The following STK39 variants were observed in gnomAD, a reference collection of about 807,000 sequenced individuals.
STK39 encodes serine/threonine kinase 39.
In STK39, 20 loss-of-function variants were observed where a neutral mutation model predicts 77.8. The observed-to-expected ratio is 0.26, with a 90% CI of 0.18 to 0.37. The LOEUF is 0.37. Ranked by LOEUF, STK39 falls within the 10% of genes least tolerant of loss-of-function variation. STK39 has a pLI of 1.00. For missense variants in STK39, 479 were observed against 656.5 expected, an observed-to-expected ratio of 0.73 and a Z score of 2.95; for synonymous variants, 246 against 234.1, an observed-to-expected ratio of 1.05 and a Z score of -0.47.
chr2:168,241,360 G>A (rs1347481931), intron 1 of STK39, among the ~76,000 whole-genome samples: 5 of 152,186 alleles, frequency 3.3e-5, no homozygotes, highest in Non-Finnish European at 7.4e-5. Context: ...AGAGGTGGAG[G>A]AAAAGTGCAG....
chr2:168,223,383 G>A (rs192191629), intron 1 of STK39, among the ~76,000 whole-genome samples: 32 of 151,944 alleles, frequency 2.1e-4, no homozygotes, highest in Non-Finnish European at 3.7e-4. Context: ...GTGGTGGCAC[G>A]TGACTGTAAT....
intron 10 of STK39, among the ~76,000 whole-genome samples, chr2:168,101,620 C>T (rs1173793833): frequency 6.6e-6 from 1 of 151,978 alleles, no homozygotes; most frequent in African/African-American, 2.4e-5. Context: ...CACCTATAGT[C>T]CCAGCTACTC....
rs187318954 is a variant in STK39, at chr2:168,065,350, T to G, written c.1274A>C (p.Gln425Pro). Residue 425 changes from glutamine to proline, a missense_variant, in exon 13 of 18, where the codon CAA becomes CCA. Physicochemically the swap from Gln to Pro is moderately conservative, Grantham distance 76. Around this residue, in one of 3 missense-constraint regions of STK39, gnomAD observed 244 missense variants for 296.8 expected, o/e 0.82. Transcript: ENST00000355999. Reference sequence around the variant, plus strand: ...GTCGTGCACAGAGAGGGACTGTATTTGTTCGGGGATGGTGCTGGCACTCAC... The same window carrying G: ...GTCGTGCACAGAGAGGGACTGTATTGGTTCGGGGATGGTGCTGGCACTCAC... ...IAVSASTIPE[Q>P]IQSLSVHDSQ... 5.6e-6 allele frequency: 9 copies of G among 1,614,064 alleles called. No individual in the cohort carries two copies. In the East Asian group the frequency reaches 2.0e-4, roughly 36 times the overall value.
chr2:168,214,079 T>C (rs149426710), intron 1 of STK39, among the ~76,000 whole-genome samples: 80 of 152,262 alleles, frequency 5.3e-4, no homozygotes, highest in African/African-American at 1.4e-3. Context: ...TGGAGCAGCA[T>C]GGACTCTAGA....
At chr2:168,061,730 T>G (rs776982569) in intron 14 of STK39, among the ~76,000 whole-genome samples, 1 of 152,214 alleles carries the variant, frequency 6.6e-6, no homozygotes, top group Non-Finnish European at 1.5e-5. Context: ...CTAAAGATTC[T>G]TATAGTATTT....
At chr2:168,081,928 C>G (rs570354955) in intron 10 of STK39, among the ~76,000 whole-genome samples, 2 of 152,148 alleles carry the variant, frequency 1.3e-5, no homozygotes, top group African/African-American at 4.8e-5. Context: ...GATTGTGAGG[C>G]CTCCCTAGCC....
chr2:168,005,247 C>T (rs187962736), intron 16 of STK39, among the ~76,000 whole-genome samples: 1 of 152,090 alleles, frequency 6.6e-6, no homozygotes, highest in East Asian at 1.9e-4. Context: ...ATCAAGTGAT[C>T]TACTTGCCTC....
intron 14 of STK39, among the ~76,000 whole-genome samples, chr2:168,043,430 C>T (rs1685159318): frequency 6.6e-6 from 1 of 152,116 alleles, no homozygotes; most frequent in Non-Finnish European, 1.5e-5. Context: ...TGTGTATATA[C>T]AGCAAAAAGG....
intron 14 of STK39, among the ~76,000 whole-genome samples, chr2:168,034,257 G>A (rs917629346): frequency 8.5e-5 from 13 of 152,316 alleles, no homozygotes; most frequent in African/African-American, 3.1e-4. Context: ...CAAAGAGACT[G>A]GGATTGACTT....
intron 1 of STK39, among the ~76,000 whole-genome samples, chr2:168,239,427 C>T (rs1241918426): frequency 6.6e-6 from 1 of 152,234 alleles, no homozygotes; most frequent in African/African-American, 2.4e-5. Context: ...CTCAGGAGAG[C>T]CAGGCCTCTG....
intron 10 of STK39, among the ~76,000 whole-genome samples, chr2:168,128,041 A>T (rs1687590850): frequency 6.6e-6 from 1 of 152,044 alleles, no homozygotes; most frequent in Non-Finnish European, 1.5e-5. Flanking sequence ...AGTCACTGTG[A>T]TAGCGAGGCT....
intron 10 of STK39, among the ~76,000 whole-genome samples, chr2:168,118,354 C>A (rs1306401755): frequency 6.6e-6 from 1 of 152,146 alleles, no homozygotes; most frequent in Non-Finnish European, 1.5e-5. Context: ...TAGTTTTCTA[C>A]AAACTAAATT....
intron 16 of STK39, among the ~76,000 whole-genome samples, chr2:167,979,029 C>G (rs1056017357): frequency 2.0e-5 from 3 of 152,016 alleles, no homozygotes; most frequent in Non-Finnish European, 4.4e-5. Flanking sequence ...CTTTTTATTG[C>G]TAAGTAGTAT....
chr2:167,987,751 G>A (rs557993058), intron 16 of STK39, among the ~76,000 whole-genome samples: 1 of 152,156 alleles, frequency 6.6e-6, no homozygotes, highest in South Asian at 2.1e-4. Context: ...ATCTATCTGT[G>A]GTCCTTTTAA....
chr2:168,222,041 T>C (rs1690185648), intron 1 of STK39, among the ~76,000 whole-genome samples: 1 of 152,218 alleles, frequency 6.6e-6, no homozygotes, highest in Admixed American at 6.5e-5. Flanking sequence ...AGCCAGGAGA[T>C]GACAGGCATG....
chr2:168,065,469 C>T, intron 12 of STK39, 88 bp from the exon 13 acceptor site: 2 of 1,306,460 alleles, frequency 1.5e-6, no homozygotes, highest in Non-Finnish European at 2.2e-6. Flanking sequence ...TTATCAGACC[C>T]AATAATTTCC....
chr2:168,166,533 C>T (rs150962654), intron 3 of STK39, among the ~76,000 whole-genome samples: 1 of 152,322 alleles, frequency 6.6e-6, no homozygotes, highest in African/African-American at 2.4e-5. Context: ...CATTTCTCCC[C>T]ATGTCAACTG....
intron 1 of STK39, among the ~76,000 whole-genome samples, chr2:168,207,140 A>G (rs948980129): frequency 2.0e-5 from 3 of 152,246 alleles, no homozygotes; most frequent in African/African-American, 7.2e-5. Flanking sequence ...ATAAATGACC[A>G]AGATCACACT....
At chr2:168,239,524 A>G (rs1690705064) in intron 1 of STK39, among the ~76,000 whole-genome samples, 1 of 152,166 alleles carries the variant, frequency 6.6e-6, no homozygotes, top group Non-Finnish European at 1.5e-5. Context: ...ATTTCTACAG[A>G]GCCCTTTAAG....
Sources: gnomAD v4.1 joint callset for allele counts (sites outside exome capture counted in the v4.1 genomes callset) on GRCh38, gnomAD v4.1.1 for gene constraint, gnomAD v4.1.1 regional missense constraint, MANE v1.5 for transcripts, NCBI Gene and HGNC (gene_info 2026-07-23, HGNC 2026-07-21) for gene names.